The following RP1 variants were observed in gnomAD, a reference collection of about 807,000 sequenced individuals.
RP1 encodes oxygen-regulated protein 1.
Under a neutral mutation model 14.8 loss-of-function variants are expected in RP1, and 16 were observed. The ratio of observed to expected loss-of-function variants is 1.08; its 90% CI spans 0.73 to 1.65. The LOEUF (loss-of-function observed/expected upper bound fraction) is 1.65, where lower values mean the gene tolerates loss of function less well. Among genes scored for constraint, RP1 ranks in the 40% most tolerant of loss-of-function variants. RP1 has a pLI of 0.00. For synonymous variants in RP1, 876 were observed against 883.6 expected, an observed-to-expected ratio of 0.99 and a Z score of 0.15; for missense variants, 2,631 against 2,535.0, an observed-to-expected ratio of 1.04 and a Z score of -0.81.
chr8:54,695,961 G>A (rs1386649574), intron 12 of RP1, among the ~76,000 whole-genome samples: 1 of 152,028 alleles, frequency 6.6e-6, no homozygotes, highest in Non-Finnish European at 1.5e-5. Flanking sequence ...ATTTGGAGTG[G>A]TCTATTGAAC....
chr8:54,669,959 A>G (rs1235263090), intron 7 of RP1, among the ~76,000 whole-genome samples: 2 of 152,132 alleles, frequency 1.3e-5, no homozygotes, highest in African/African-American at 2.4e-5. Context: ...GCAAACCAAC[A>G]TGGCACATGT....
intron 14 of RP1, among the ~76,000 whole-genome samples, chr8:54,705,707 A>G (rs1392453714): frequency 6.6e-6 from 1 of 152,118 alleles, no homozygotes; most frequent in Non-Finnish European, 1.5e-5. Context: ...GTACCCAACT[A>G]GTTTCAGCAG....
intron 21 of RP1, among the ~76,000 whole-genome samples, chr8:54,756,217 C>A (rs1036933344): frequency 1.3e-5 from 2 of 152,134 alleles, no homozygotes; most frequent in African/African-American, 4.8e-5. Flanking sequence ...CACACCTAAG[C>A]CCCTCCTTAT....
rs567630517 is a variant in RP1, at chr8:54,812,900, G to A, written c.3616-24550G>A. Among the ~76,000 whole-genome samples the A allele has an allele frequency of 5.9e-5, 9 of 152,248 alleles. No homozygotes were observed. The South Asian group carries it at 1.5e-3, about 25-fold the overall frequency. ...ACTCCTCTGAAGATTCCAGCAGCTCGCTGCTATAGTTATTTCAGGTTCTTA... is the reference window on the plus strand; with the variant it reads ...ACTCCTCTGAAGATTCCAGCAGCTCACTGCTATAGTTATTTCAGGTTCTTA... On this transcript the variant is annotated intron_variant, in intron 24 of 28. Transcript: ENST00000637698.
rs146337514 is a variant in RP1, at chr8:54,622,119, T to C, written c.618T>C (p.Val206=). Reference sequence around the variant, plus strand: ...ATAATGACTCTGGTCTCTTTTAGGTTCCCAGCCTCCAGGCAGTGATCCTGA... The same window carrying C: ...ATAATGACTCTGGTCTCTTTTAGGTCCCCAGCCTCCAGGCAGTGATCCTGA... ...VKLYATDGRR[V]PSLQAVILSS... Residue 206 remains valine (V), a splice_region_variant and synonymous_variant, in exon 3 of 4, where the codon GTT becomes GTC. Transcript: ENST00000220676. The C allele has an allele frequency of 1.0e-4, 162 of 1,614,130 alleles. No individual in the cohort carries two copies. In the African/African-American group the frequency reaches 1.8e-3, roughly 18 times the overall value.
intron 1 of RP1, among the ~76,000 whole-genome samples, chr8:54,610,083 G>A (rs1463860475): frequency 6.6e-6 from 1 of 152,152 alleles, no homozygotes; most frequent in Non-Finnish European, 1.5e-5. Context: ...GCCCAGTGAA[G>A]ATTTTATCCA....
intron 18 of RP1, among the ~76,000 whole-genome samples, chr8:54,737,648 T>C (rs1700337941): frequency 6.6e-6 from 1 of 152,120 alleles, no homozygotes; most frequent in Non-Finnish European, 1.5e-5. Context: ...TTCTTCCCAG[T>C]TGAGAACAGC....
chr8:54,629,012 G>A lies in RP1; in HGVS notation c.5130G>A (p.Arg1710=), dbSNP rs1233494977. 1.2e-6 allele frequency: 2 copies of A among 1,613,852 alleles called. No homozygotes were observed. The highest frequency in any genetic ancestry group is 1.7e-6 in the Non-Finnish European group (2 of 1,179,966). The change falls in exon 4 of 4, where the codon AGG becomes AGA. Residue 1710 remains arginine, a synonymous_variant. Transcript: ENST00000220676. The part of the protein sequence containing the change: ...RQDKCDVSAV[R]DNYCRGDIVE... The stretch of plus-strand genomic sequence containing the variant: ...ATAAGTGTGATGTTAGTGCTGTGAG[G>A]GACAATTATTGTAGGGGTGACATTG...
chr8:54,601,770 T>C (rs1805299594), intron 1 of RP1, among the ~76,000 whole-genome samples: 1 of 152,140 alleles, frequency 6.6e-6, no homozygotes, highest in South Asian at 2.1e-4. Flanking sequence ...AAAGTACTAA[T>C]ATATGCTACT....
intron 1 of RP1, among the ~76,000 whole-genome samples, chr8:54,600,085 G>C (rs747727094): frequency 6.6e-6 from 1 of 152,232 alleles, no homozygotes; most frequent in Non-Finnish European, 1.5e-5. Flanking sequence ...ATCTTGAATT[G>C]TAGCTTCCAC....
intron 1 of RP1, among the ~76,000 whole-genome samples, chr8:54,576,485 C>T (rs1804667839): frequency 6.6e-6 from 1 of 152,194 alleles, no homozygotes; most frequent in Non-Finnish European, 1.5e-5. Context: ...TATATCGAGC[C>T]TCTTCTCATG....
chr8:54,694,466 G>A (rs544738898), intron 12 of RP1, among the ~76,000 whole-genome samples: 113 of 152,210 alleles, frequency 7.4e-4, no homozygotes, highest in Middle Eastern at 6.8e-3. Flanking sequence ...TTTTTGGTTG[G>A]TAAGCTATTG....
At chr8:54,606,825 G>A (rs1425035290) in intron 1 of RP1, among the ~76,000 whole-genome samples, 2 of 152,064 alleles carry the variant, frequency 1.3e-5, no homozygotes, top group Non-Finnish European at 1.5e-5. Flanking sequence ...CTTTCTTCCA[G>A]TTGATCGAAT....
intron 13 of RP1, among the ~76,000 whole-genome samples, chr8:54,700,761 A>G (rs1040938928): frequency 3.3e-5 from 5 of 152,184 alleles, no homozygotes; most frequent in African/African-American, 1.2e-4. Flanking sequence ...GTTTCACAGA[A>G]GATTTCATCT....
chr8:54,792,461 A>G (rs12678939), intron 24 of RP1, among the ~76,000 whole-genome samples: 51,044 of 151,688 alleles, frequency 0.34, 9,134 homozygotes, highest in East Asian at 0.48. Flanking sequence ...GTTAGGACAC[A>G]AAACAAGTCT....
chr8:54,857,106 G>A (rs1413302335), exon 27 of RP1: 4 of 1,212,360 alleles, frequency 3.3e-6, no homozygotes, highest in Non-Finnish European at 2.1e-6. Context: ...AACAGGTCCA[G>A]GTAAGATTTA....
intron 1 of RP1, among the ~76,000 whole-genome samples, chr8:54,590,695 C>T (rs1426898228): frequency 6.6e-6 from 1 of 152,142 alleles, no homozygotes; most frequent in Admixed American, 6.5e-5. Flanking sequence ...GTCCCTCCCC[C>T]ACCATATTTA....
intron 1 of RP1, among the ~76,000 whole-genome samples, chr8:54,563,831 G>A (rs1015823785): frequency 6.6e-6 from 1 of 152,098 alleles, no homozygotes; most frequent in African/African-American, 2.4e-5. Flanking sequence ...TTATAGACAT[G>A]AGCCACCACG....
chr8:54,833,661 A>G (rs945803485), intron 24 of RP1, among the ~76,000 whole-genome samples: 1 of 152,132 alleles, frequency 6.6e-6, no homozygotes, highest in African/African-American at 2.4e-5. Context: ...GTTTTCCAAT[A>G]GAAATCATTC....
Sources: allele counts gnomAD v4.1 joint callset (sites outside exome capture counted in the v4.1 genomes callset), GRCh38; gene constraint gnomAD v4.1.1; transcripts MANE v1.5; gene names NCBI Gene and HGNC (gene_info 2026-07-23, HGNC 2026-07-21).